Variants in CTNND2 observed in about 807,000 individuals in gnomAD.
CTNND2 encodes the protein catenin delta-2.
A neutral mutation model predicts 144.4 loss-of-function variants in CTNND2; 22 were observed. The observed-to-expected ratio is 0.15, with a 90% confidence interval of 0.11 to 0.22. The LOEUF (loss-of-function observed/expected upper bound fraction) is 0.22. Among genes scored for constraint, CTNND2 ranks in the 10% least tolerant of loss-of-function variants. The pLI, the probability that CTNND2 is intolerant of heterozygous loss-of-function variation, is 1.00. For synonymous variants in CTNND2, 751 were observed against 695.6 expected (o/e 1.08, Z -1.25); for missense variants, 1,353 against 1,618.8 (o/e 0.84, Z 2.82).
chr5:11,700,689 T>A (rs1785392754), intron 2 of CTNND2, among the ~76,000 whole-genome samples: 1 of 152,134 alleles, frequency 6.6e-6, no homozygotes, highest in South Asian at 2.1e-4. Context: ...GAGCACTAGT[T>A]GAATAGAAGA....
intron 10 of CTNND2, among the ~76,000 whole-genome samples, chr5:11,201,973 AC>A (rs1022242057): frequency 6.6e-6 from 1 of 152,234 alleles, no homozygotes; most frequent in African/African-American, 2.4e-5. Flanking sequence ...TTCCACGTGT[AC>A]AAAAAAGGTT....
intron 3 of CTNND2, among the ~76,000 whole-genome samples, chr5:11,482,044 C>T (rs1768320768): frequency 6.6e-6 from 1 of 152,144 alleles, no homozygotes; most frequent in Non-Finnish European, 1.5e-5. Flanking sequence ...AGTTTTAGGT[C>T]CACGCCTTTG....
intron 2 of CTNND2, among the ~76,000 whole-genome samples, chr5:11,693,333 C>T (rs1784995297): frequency 6.6e-6 from 1 of 152,202 alleles, no homozygotes; most frequent in Admixed American, 6.5e-5. Flanking sequence ...TTTGTTATAG[C>T]AAACCAAATG....
chr5:11,700,880 T>C (rs1257771660), intron 2 of CTNND2, among the ~76,000 whole-genome samples: 2 of 152,214 alleles, frequency 1.3e-5, no homozygotes, highest in South Asian at 4.1e-4. Flanking sequence ...GGATTTGGGC[T>C]ATAATATAAA....
chr5:11,126,077 G>A (rs187558049), intron 12 of CTNND2, among the ~76,000 whole-genome samples: 1,822 of 152,234 alleles, frequency 0.012, 30 homozygotes, highest in Non-Finnish European at 0.015. Flanking sequence ...CGAGGCAGGC[G>A]GATCACCTGA....
intron 16 of CTNND2, among the ~76,000 whole-genome samples, chr5:11,023,547 A>T (rs1742515235): frequency 6.6e-6 from 1 of 152,206 alleles, no homozygotes; most frequent in Non-Finnish European, 1.5e-5. Context: ...ATTCATTTAA[A>T]GCAAGGAGAA....
intron 10 of CTNND2, among the ~76,000 whole-genome samples, chr5:11,208,187 G>A (rs1738251081): frequency 6.6e-6 from 1 of 152,126 alleles, no homozygotes; most frequent in Admixed American, 6.5e-5. Context: ...AAAACGACAT[G>A]TATTTACTGA....
In CTNND2 at chr5:11,385,086, G is replaced by C; in HGVS notation, c.756C>G (p.Leu252=). 2.8e-6 allele frequency: 3 copies of C among 1,063,072 alleles called. No homozygotes were observed. The highest frequency in any genetic ancestry group is 3.4e-6 in the Non-Finnish European group (3 of 883,662). 65.9% of individuals were successfully genotyped at this position (1,063,072 alleles called of 1,614,324 possible). Residue 252 remains leucine, a synonymous_variant, in exon 7 of 22, where the codon CTC becomes CTG. Transcript: ENST00000304623. ...DAPPAAAAAA[L]YYSSSTLPAP... ...CGGGCAGCGTGGAGCTGGAGTAGTAGAGCGCGGCGGCGGCGGCGGCGGGCG... is the reference window on the plus strand; with the variant it reads ...CGGGCAGCGTGGAGCTGGAGTAGTACAGCGCGGCGGCGGCGGCGGCGGGCG...
intron 5 of CTNND2, among the ~76,000 whole-genome samples, chr5:11,410,414 T>C (rs1027955139): frequency 6.6e-6 from 1 of 152,216 alleles, no homozygotes; most frequent in African/African-American, 2.4e-5. Flanking sequence ...CTTATCCTTA[T>C]GTCTTCCTTT....
intron 1 of CTNND2, among the ~76,000 whole-genome samples, chr5:11,755,188 C>T (rs866130466): frequency 6.6e-6 from 1 of 151,810 alleles, no homozygotes; most frequent in African/African-American, 2.4e-5. Flanking sequence ...CTCATTTCTT[C>T]CTCATCTACG....
chr5:11,241,669 A>G (rs778903004), intron 9 of CTNND2, among the ~76,000 whole-genome samples: 3 of 152,224 alleles, frequency 2.0e-5, no homozygotes. Context: ...TTTTTCTATA[A>G]CAGTTTTGTT....
intron 18 of CTNND2, among the ~76,000 whole-genome samples, chr5:10,995,353 G>T (rs1393203214): frequency 1.3e-5 from 2 of 152,152 alleles, no homozygotes; most frequent in Non-Finnish European, 2.9e-5. Flanking sequence ...CATCAGGCAA[G>T]ACCAAAGGAG....
intron 11 of CTNND2, among the ~76,000 whole-genome samples, chr5:11,194,308 T>C (rs760078740): frequency 6.6e-6 from 1 of 152,006 alleles, no homozygotes; most frequent in Non-Finnish European, 1.5e-5. Context: ...TGAAAGGAAG[T>C]AGTCACCTCT....
intron 16 of CTNND2, among the ~76,000 whole-genome samples, chr5:11,071,484 G>A (rs1038998268): frequency 6.6e-6 from 1 of 152,044 alleles, no homozygotes; most frequent in African/African-American, 2.4e-5. Flanking sequence ...AGGTTGTAGT[G>A]AGCTGAGATT....
intron 1 of CTNND2, among the ~76,000 whole-genome samples, chr5:11,827,947 AG>A (rs1273251378): frequency 6.6e-6 from 1 of 152,226 alleles, no homozygotes; most frequent in African/African-American, 2.4e-5. Context: ...ACCAAAATCT[AG>A]ATATATAGTC....
intron 18 of CTNND2, among the ~76,000 whole-genome samples, chr5:11,002,737 G>A (rs1365022629): frequency 6.6e-6 from 1 of 152,148 alleles, no homozygotes; most frequent in Non-Finnish European, 1.5e-5. Flanking sequence ...ATGGGGTGGA[G>A]GGTGACCCAG....
chr5:11,726,487 C>A (rs1459946260), intron 2 of CTNND2, among the ~76,000 whole-genome samples: 1 of 152,082 alleles, frequency 6.6e-6, no homozygotes, highest in African/African-American at 2.4e-5. Context: ...ATAAAAAAAA[C>A]CCAATTCATT....
At chr5:11,068,272 T>C (rs1461755490) in intron 16 of CTNND2, among the ~76,000 whole-genome samples, 1 of 152,228 alleles carries the variant, frequency 6.6e-6, no homozygotes, top group Non-Finnish European at 1.5e-5. Flanking sequence ...CAGGGAGCCT[T>C]GAAACAAGTA....
At chr5:11,753,670 A>T (rs1788747343) in intron 1 of CTNND2, among the ~76,000 whole-genome samples, 2 of 151,830 alleles carry the variant, frequency 1.3e-5, no homozygotes, top group Admixed American at 1.3e-4. Flanking sequence ...TGCTATCAGG[A>T]TGATGCTGTC....
Sources: allele counts gnomAD v4.1 joint callset (sites outside exome capture counted in the v4.1 genomes callset), GRCh38; gene constraint gnomAD v4.1.1; transcripts MANE v1.5; gene names NCBI Gene and HGNC (gene_info 2026-07-23, HGNC 2026-07-21).